The following NEGR1 variants were observed in gnomAD, a reference collection of about 807,000 sequenced individuals.
NEGR1 encodes the protein IgLON family member 4.
Under a neutral mutation model 40.9 loss-of-function variants are expected in NEGR1, and 10 were observed. That is an observed-to-expected ratio of 0.24 (90% CI 0.15 to 0.42). The LOEUF (loss-of-function observed/expected upper bound fraction) is 0.42. Among genes scored for constraint, NEGR1 ranks in the 10% least tolerant of loss-of-function variants. The pLI is 1.00. For missense variants in NEGR1, 352 were observed against 438.9 expected, an observed-to-expected ratio of 0.80 and a Z score of 1.77; for synonymous variants, 185 against 166.8, an observed-to-expected ratio of 1.11 and a Z score of -0.84.
chr1:71,420,758 G>A lies in NEGR1; in HGVS notation c.941-13188C>T, dbSNP rs142839639. Among the ~76,000 whole-genome samples, 27 of 152,088 alleles carry A rather than the reference G, an allele frequency of 1.8e-4. No individual in the cohort carries two copies. The East Asian group carries it at 4.3e-3, about 24-fold the overall frequency. The stretch of plus-strand genomic sequence containing the variant: ...AATGCCTTTTCCAGAATATTGCACT[G>A]CTCACATGAATTTGTTTAGTATTTT... On this transcript the variant is annotated intron_variant, in intron 6 of 6. Transcript: ENST00000357731.
chr1:71,819,351 G>C (rs1658342953), intron 2 of NEGR1, among the ~76,000 whole-genome samples: 1 of 151,854 alleles, frequency 6.6e-6, no homozygotes. Flanking sequence ...AGAAAGAAAA[G>C]TAGTAACATA....
At chr1:71,748,586 C>T (rs954636242) in intron 3 of NEGR1, among the ~76,000 whole-genome samples, 5 of 152,008 alleles carry the variant, frequency 3.3e-5, no homozygotes, top group African/African-American at 1.2e-4. Context: ...AGGTTATGCC[C>T]TTTGGTTTGC....
intron 4 of NEGR1, among the ~76,000 whole-genome samples, chr1:71,620,358 G>GTATGTCAAATGTACATTTGA (rs1227748667): frequency 6.6e-6 from 1 of 151,988 alleles, no homozygotes; most frequent in Non-Finnish European, 1.5e-5. Context: ...CATTAAGGCA[G>GTATGTCAAATGTACATTTGA]CCTTAGTCAA....
intron 4 of NEGR1, among the ~76,000 whole-genome samples, chr1:71,666,515 T>C (rs981561806): frequency 2.6e-5 from 4 of 152,162 alleles, no homozygotes; most frequent in Non-Finnish European, 4.4e-5. Context: ...AATTGAGGTA[T>C]AGAATAGGCA....
intron 6 of NEGR1, among the ~76,000 whole-genome samples, chr1:71,414,145 CA>C (rs1646340558): frequency 6.6e-6 from 1 of 152,034 alleles, no homozygotes; most frequent in African/African-American, 2.4e-5. Flanking sequence ...GATTTACACC[CA>C]AATAACGTTT....
chr1:71,978,307 A>G (rs568282304), intron 1 of NEGR1, among the ~76,000 whole-genome samples: 1 of 152,142 alleles, frequency 6.6e-6, no homozygotes, highest in African/African-American at 2.4e-5. Flanking sequence ...AATTGAATGA[A>G]GTGAACTGAT....
At chr1:72,259,536 T>C (rs1370813755) in intron 1 of NEGR1, among the ~76,000 whole-genome samples, 2 of 152,140 alleles carry the variant, frequency 1.3e-5, no homozygotes, top group Non-Finnish European at 2.9e-5. Context: ...GTTTTTAGTA[T>C]TTAAAAGCTA....
intron 1 of NEGR1, among the ~76,000 whole-genome samples, chr1:72,040,300 C>T (rs971302776): frequency 6.6e-6 from 1 of 151,778 alleles, no homozygotes; most frequent in African/African-American, 2.4e-5. Flanking sequence ...AAAGAAAATT[C>T]TGTGTTGAAT....
At chr1:71,628,144 A>G (rs997898368) in intron 4 of NEGR1, among the ~76,000 whole-genome samples, 2 of 152,000 alleles carry the variant, frequency 1.3e-5, no homozygotes, top group African/African-American at 4.8e-5. Context: ...ATTCTGAATT[A>G]TTGTCTCTTC....
intron 1 of NEGR1, among the ~76,000 whole-genome samples, chr1:71,992,082 G>A (rs12120832): frequency 0.34 from 51,319 of 151,644 alleles, 9,057 homozygotes; most frequent in East Asian, 0.55. Flanking sequence ...GGTGTGAGCC[G>A]CTGTGCCCGG....
At chr1:71,408,113 T>A (rs1056858197) in intron 6 of NEGR1, among the ~76,000 whole-genome samples, 1 of 152,052 alleles carries the variant, frequency 6.6e-6, no homozygotes, top group Admixed American at 6.6e-5. Flanking sequence ...ACAGACAAAT[T>A]GTGCTTTTAA....
chr1:72,005,481 A>C (rs1646599054), intron 1 of NEGR1, among the ~76,000 whole-genome samples: 1 of 152,150 alleles, frequency 6.6e-6, no homozygotes, highest in South Asian at 2.1e-4. Context: ...GAATACGGTA[A>C]AATAACAAAG....
intron 6 of NEGR1, among the ~76,000 whole-genome samples, chr1:71,567,872 G>A (rs907633563): frequency 6.6e-6 from 1 of 151,300 alleles, no homozygotes; most frequent in African/African-American, 2.4e-5. Flanking sequence ...GGGAATTTTC[G>A]CAGCCTTTTT....
chr1:71,715,110 G>A (rs1654231875), intron 3 of NEGR1, among the ~76,000 whole-genome samples: 1 of 152,118 alleles, frequency 6.6e-6, no homozygotes, highest in Non-Finnish European at 1.5e-5. Context: ...GCATCTGTAG[G>A]CCCAACAGCA....
intron 3 of NEGR1, among the ~76,000 whole-genome samples, chr1:71,736,327 C>G (rs1197659408): frequency 6.6e-6 from 1 of 152,008 alleles, no homozygotes; most frequent in Non-Finnish European, 1.5e-5. Flanking sequence ...ATCTTGTATA[C>G]TTTCACAAGA....
At chr1:71,819,444 G>A (rs1032133341) in intron 2 of NEGR1, among the ~76,000 whole-genome samples, 12 of 151,844 alleles carry the variant, frequency 7.9e-5, no homozygotes, top group Admixed American at 7.9e-4. Context: ...GTTTGTATCT[G>A]TAAAATAAGA....
At chr1:71,664,249 G>A (rs1652166245) in intron 4 of NEGR1, among the ~76,000 whole-genome samples, 1 of 152,164 alleles carries the variant, frequency 6.6e-6, no homozygotes, top group African/African-American at 2.4e-5. Context: ...GTGAAAGCAT[G>A]TGGGATGAAC....
chr1:71,779,103 G>A (rs1459799), intron 2 of NEGR1, among the ~76,000 whole-genome samples: 140 of 152,238 alleles, frequency 9.2e-4, no homozygotes, highest in Middle Eastern at 6.8e-3. Context: ...CTCTGACAAG[G>A]CTCCTCTCCC....
chr1:72,243,012 C>T (rs576137785), intron 1 of NEGR1, among the ~76,000 whole-genome samples: 59 of 151,560 alleles, frequency 3.9e-4, no homozygotes, highest in African/African-American at 1.3e-3. Flanking sequence ...TCATTGAAGA[C>T]AGAATAATAA....
Sources: gnomAD v4.1 joint callset for allele counts (sites outside exome capture counted in the v4.1 genomes callset) on GRCh38, gnomAD v4.1.1 for gene constraint, MANE v1.5 for transcripts, NCBI Gene and HGNC (gene_info 2026-07-23, HGNC 2026-07-21) for gene names.